The following PGM5 variants were observed in gnomAD, a reference collection of about 807,000 sequenced individuals.
The protein encoded by PGM5 is phosphoglucomutase-like protein 5.
In PGM5, 23 loss-of-function variants were observed where a neutral mutation model predicts 59.2. The observed-to-expected ratio is 0.39, with a 90% CI of 0.28 to 0.55. The LOEUF (loss-of-function observed/expected upper bound fraction) is 0.55, where lower values mean the gene tolerates loss of function less well. Ranked by LOEUF, PGM5 falls within the 20% of genes least tolerant of loss-of-function variation. PGM5 has a pLI of 0.66. For missense variants in PGM5, 574 were observed against 748.3 expected (o/e 0.77, Z 2.72); for synonymous variants, 214 against 286.0 (o/e 0.75, Z 2.54).
At chr9:68,523,161 A>G (rs1000481896) in intron 10 of PGM5, among the ~76,000 whole-genome samples, 1 of 152,230 alleles carries the variant, frequency 6.6e-6, no homozygotes, top group Admixed American at 6.5e-5. Context: ...TAGGTCAGAC[A>G]GCCACTTCTG....
intron 10 of PGM5, among the ~76,000 whole-genome samples, chr9:68,500,996 G>A (rs1300354086): frequency 6.6e-6 from 1 of 151,742 alleles, no homozygotes; most frequent in Non-Finnish European, 1.5e-5. Flanking sequence ...CTTTGAAGCT[G>A]AAAGTCTCCA....
intron 10 of PGM5, among the ~76,000 whole-genome samples, chr9:68,505,446 G>T (rs781999706): frequency 6.6e-6 from 1 of 152,208 alleles, no homozygotes; most frequent in Non-Finnish European, 1.5e-5. Flanking sequence ...TACTAGGAAT[G>T]CCAGCTGCAA....
intron 6 of PGM5, among the ~76,000 whole-genome samples, chr9:68,409,607 C>T: frequency 1.5e-5 from 1 of 65,224 alleles, no homozygotes; most frequent in East Asian, 2.7e-4. Context: ...TCATCATTCT[C>T]AGTAAACTAT....
At chr9:68,435,162 T>G (rs1436834253) in intron 6 of PGM5, among the ~76,000 whole-genome samples, 1 of 152,182 alleles carries the variant, frequency 6.6e-6, no homozygotes, top group Non-Finnish European at 1.5e-5. Context: ...CCCCTCCCTT[T>G]TATTCTTTAT....
chr9:68,396,591 G>T (rs570316210), intron 6 of PGM5: 1 of 152,440 alleles, frequency 6.6e-6, no homozygotes, highest in Non-Finnish European at 1.5e-5. Flanking sequence ...GTTCTGATAT[G>T]TAAGTGACCA....
At chr9:68,403,186 C>A (rs1554680812) in intron 6 of PGM5, among the ~76,000 whole-genome samples, 2 of 152,150 alleles carry the variant, frequency 1.3e-5, no homozygotes, top group African/African-American at 4.8e-5. Context: ...CATAGGAGAG[C>A]AAATCCTACT....
chr9:68,483,860 A>G lies in PGM5; in HGVS notation c.1296-5A>G. On this transcript the variant is annotated splice_region_variant and splice_polypyrimidine_tract_variant and intron_variant, in intron 8 of 10. Coordinates refer to ENST00000396396, the MANE Select transcript of PGM5 (RefSeq NM_021965.4). ...AGGTTTCTGTTCCTCCTGTGTCCTCACCAGGTTTGACTATGAGGGGTTGGA... is the reference window on the plus strand; with the variant it reads ...AGGTTTCTGTTCCTCCTGTGTCCTCGCCAGGTTTGACTATGAGGGGTTGGA... The G allele has an allele frequency of 1.9e-6, 3 of 1,613,882 alleles. No homozygotes were observed. Among genetic ancestry groups the G allele is most frequent in the South Asian group, 2.2e-5 (2 of 91,068 alleles).
rs1296890918 is a variant in PGM5, at chr9:68,529,704, G to A, written c.*48G>A. 2.7e-6 allele frequency: 3 copies of A among 1,103,310 alleles called. No individual in the cohort carries two copies. The highest frequency in any genetic ancestry group is 3.9e-6 in the Non-Finnish European group (3 of 774,622). 68.3% of individuals were successfully genotyped at this position (1,103,310 alleles called of 1,614,324 possible). ...GGGCCAAAGAGAGTGCTCAGCGGGA[G>A]ATGCTTCACTGATGCCTTCTTGCTA... On this transcript the variant is annotated 3_prime_UTR_variant, in exon 11 of 11. Coordinates refer to ENST00000396396, the MANE Select transcript of PGM5 (RefSeq NM_021965.4).
intron 10 of PGM5, among the ~76,000 whole-genome samples, chr9:68,526,815 A>C (rs1824982071): frequency 6.6e-6 from 1 of 152,342 alleles, no homozygotes; most frequent in East Asian, 1.9e-4. Flanking sequence ...TGTTCTTTCC[A>C]AAACACTCAA....
intron 6 of PGM5, among the ~76,000 whole-genome samples, chr9:68,449,112 G>A (rs782383926): frequency 2.6e-5 from 4 of 152,226 alleles, no homozygotes; most frequent in Non-Finnish European, 5.9e-5. Context: ...CAGAAGGGTC[G>A]AGGGAGCTCT....
chr9:68,410,320 A>T (rs1240807971), intron 6 of PGM5, among the ~76,000 whole-genome samples: 3 of 152,234 alleles, frequency 2.0e-5, no homozygotes, highest in African/African-American at 7.2e-5. Context: ...AGCATGGCTA[A>T]AAATGAGGGG....
At chr9:68,529,492 T>G in intron 10 of PGM5, 75 bp from the exon 11 acceptor site, 1 of 1,005,936 alleles carries the variant, frequency 9.9e-7, no homozygotes, top group Non-Finnish European at 1.5e-6. Flanking sequence ...CAGATGCTTA[T>G]GGTAGAAATC....
chr9:68,466,544 A>G (rs1177189393), intron 7 of PGM5: 1 of 164,158 alleles, frequency 6.1e-6, no homozygotes, highest in Non-Finnish European at 1.3e-5. Flanking sequence ...TAATATGTGG[A>G]TAAGAACAGT....
chr9:68,362,766 T>G (rs1225513837), intron 1 of PGM5, among the ~76,000 whole-genome samples: 1 of 152,112 alleles, frequency 6.6e-6, no homozygotes, highest in Non-Finnish European at 1.5e-5. Context: ...CTTTTTCTCT[T>G]CTTTGTTCTC....
chr9:68,487,270 T>G (rs1448140211), intron 9 of PGM5, among the ~76,000 whole-genome samples: 2 of 152,244 alleles, frequency 1.3e-5, no homozygotes, highest in Admixed American at 6.5e-5. Context: ...TAGTGATAAT[T>G]ATCACACATG....
chr9:68,408,987 T>C (rs1240413280), intron 6 of PGM5, among the ~76,000 whole-genome samples: 5 of 152,112 alleles, frequency 3.3e-5, no homozygotes, highest in Non-Finnish European at 7.4e-5. Context: ...AGGCTTGTAG[T>C]ATAGTTTGAA....
intron 10 of PGM5, among the ~76,000 whole-genome samples, chr9:68,510,582 AATTC>A (rs1554689297): frequency 6.6e-6 from 1 of 152,202 alleles, no homozygotes; most frequent in African/African-American, 2.4e-5. Flanking sequence ...TAAATCAGAT[AATTC>A]ATATATGTAA....
intron 6 of PGM5, among the ~76,000 whole-genome samples, chr9:68,408,034 T>A (rs1242992151): frequency 6.6e-6 from 1 of 152,234 alleles, no homozygotes; most frequent in African/African-American, 2.4e-5. Flanking sequence ...AGTCCCTTTA[T>A]CTGCAAAGCC....
At chr9:68,357,581 A>C (rs1834485607) in intron 1 of PGM5, 193 bp downstream of exon 1, 1 of 867,936 alleles carries the variant, frequency 1.2e-6, no homozygotes, top group African/African-American at 1.7e-5. Context: ...CACCCCGGAC[A>C]CTGGGTTCTA....
Sources: allele counts gnomAD v4.1 joint callset (sites outside exome capture counted in the v4.1 genomes callset), GRCh38; gene constraint gnomAD v4.1.1; transcripts MANE v1.5; gene names NCBI Gene and HGNC (gene_info 2026-07-23, HGNC 2026-07-21).